Variants in MMP16 observed in about 807,000 individuals in gnomAD.
MMP16 encodes the protein matrix metalloproteinase-16.
In MMP16, 12 loss-of-function variants were observed where a neutral mutation model predicts 67.8. The ratio of observed to expected loss-of-function variants is 0.18; its 90% CI spans 0.11 to 0.29. The LOEUF is 0.29. MMP16 is among the 10% of genes least tolerant of loss of function. The probability of loss-of-function intolerance (pLI) is 1.00; values close to 1 mark genes in which losing one functional copy is unlikely to be tolerated. For missense variants in MMP16, 475 were observed against 765.7 expected, an observed-to-expected ratio of 0.62 and a Z score of 4.48; for synonymous variants, 249 against 255.9, an observed-to-expected ratio of 0.97 and a Z score of 0.26.
chr8:88,244,151 C>T (rs1335092242), intron 1 of MMP16, among the ~76,000 whole-genome samples: 1 of 151,964 alleles, frequency 6.6e-6, no homozygotes, highest in Non-Finnish European at 1.5e-5. Context: ...GTTCTTTGGC[C>T]TGAAGCAAAC....
chr8:88,099,294 C>T (rs1221408700), intron 6 of MMP16, among the ~76,000 whole-genome samples: 1 of 151,572 alleles, frequency 6.6e-6, no homozygotes, highest in Non-Finnish European at 1.5e-5. Flanking sequence ...TTTTCAGGTC[C>T]CATATCACTT....
intron 1 of MMP16, among the ~76,000 whole-genome samples, chr8:88,298,102 T>C (rs1811039773): frequency 6.6e-6 from 1 of 152,194 alleles, no homozygotes; most frequent in Admixed American, 6.5e-5. Flanking sequence ...ATTATACCTG[T>C]GCCTGTTCAA....
At chr8:88,244,206 C>T (rs1302052889) in intron 1 of MMP16, among the ~76,000 whole-genome samples, 1 of 151,954 alleles carries the variant, frequency 6.6e-6, no homozygotes, top group African/African-American at 2.4e-5. Context: ...ACTCCTCGGC[C>T]GACTTACTTT....
At chr8:88,203,705 T>C (rs1809380104) in intron 1 of MMP16, among the ~76,000 whole-genome samples, 1 of 152,188 alleles carries the variant, frequency 6.6e-6, no homozygotes, top group African/African-American at 2.4e-5. Flanking sequence ...CTTTCAAATA[T>C]GATGGGGAGT....
Position 88,118,850 on chromosome 8 carries a change from A to C in MMP16, c.721T>G (p.Phe241Val). 6.2e-7 allele frequency: 1 copy of C among 1,612,946 alleles called. No individual in the cohort carries two copies. Among genetic ancestry groups the C allele is most frequent in the Non-Finnish European group, 8.5e-7 (1 of 1,179,406 alleles). ...GNPNHDGNDL[F>V]LVAVHELGHA... ...CCCAGTTCATGGACTGCTACAAGAA[A>C]TAAGTCATTTCCTGTGTGAACAAGA... Residue 241 changes from phenylalanine to valine, a missense_variant, in exon 5 of 10, where the codon TTT (phenylalanine) becomes GTT (valine). Transcript: ENST00000286614.
rs369263094 is a variant in MMP16, at chr8:88,268,354, C to CAAAACT, written c.132+58715_132+58720dup. On this transcript the variant is annotated intron_variant, in intron 1 of 9. Transcript: ENST00000286614. Reference sequence around the variant, plus strand: ...TGGAACTCTGTCTCAAAAAGAAAACCAAAACTAAAACCAAAACCAAAAACA... The same window carrying CAAAACT: ...TGGAACTCTGTCTCAAAAAGAAAACCAAAACTAAAACTAAAACCAAAACCAAAAACA... 1.4e-3 allele frequency among the ~76,000 whole-genome samples: 208 copies of CAAAACT among 152,106 alleles called. 2 individuals carry two copies. Among genetic ancestry groups the CAAAACT allele is most frequent in the African/African-American group, 4.2e-3 (175 of 41,514 alleles).
chr8:88,228,582 TTA>T (rs1809807830), intron 1 of MMP16, among the ~76,000 whole-genome samples: 1 of 152,100 alleles, frequency 6.6e-6, no homozygotes, highest in Non-Finnish European at 1.5e-5. Flanking sequence ...AAGTGACATA[TTA>T]AATGCAATTT....
chr8:88,087,255 GCAT>G (rs1442452879), intron 6 of MMP16, among the ~76,000 whole-genome samples: 2 of 151,870 alleles, frequency 1.3e-5, no homozygotes, highest in East Asian at 3.9e-4. Context: ...TTTCCCATAA[GCAT>G]CATCATCATA....
intron 1 of MMP16, among the ~76,000 whole-genome samples, chr8:88,228,982 T>C (rs965658582): frequency 2.0e-5 from 3 of 151,112 alleles, no homozygotes; most frequent in Non-Finnish European, 4.4e-5. Context: ...GCAACATCTA[T>C]GACCTCGTCT....
chr8:88,043,247 C>T (rs1216069870), intron 9 of MMP16, among the ~76,000 whole-genome samples: 1 of 152,076 alleles, frequency 6.6e-6, no homozygotes, highest in Non-Finnish European at 1.5e-5. Context: ...AGAGACTGTA[C>T]ACTTAATAAT....
rs112792253 is a variant in MMP16 at position 88,086,487 on chromosome 8, G to A, written c.1084-11744C>T. On this transcript the variant is annotated intron_variant, in intron 6 of 9. Transcript: ENST00000286614. ...CTTTGAGAATGTATATTCAATCTAC[G>A]GAGGAGGAGAGGCAGACAGCTAATT... Among the ~76,000 whole-genome samples, 575 of 151,950 alleles carry A rather than the reference G, an allele frequency of 3.8e-3. 11 individuals are homozygous for A. Among genetic ancestry groups the A allele is most frequent in the African/African-American group, 0.013 (520 of 41,376 alleles).
intron 1 of MMP16, among the ~76,000 whole-genome samples, chr8:88,283,270 C>T (rs7833392): frequency 0.036 from 5,402 of 152,130 alleles, 322 homozygotes; most frequent in African/African-American, 0.12. Context: ...GCTTTCTTTT[C>T]TTTCTTGTTT....
intron 3 of MMP16, among the ~76,000 whole-genome samples, chr8:88,175,866 A>G (rs1218298245): frequency 2.0e-5 from 3 of 152,138 alleles, no homozygotes; most frequent in African/African-American, 7.2e-5. Context: ...AGATGGTTTT[A>G]TAAAGGATTG....
intron 6 of MMP16, among the ~76,000 whole-genome samples, chr8:88,085,589 G>T (rs1253645556): frequency 3.3e-5 from 5 of 152,012 alleles, no homozygotes; most frequent in Non-Finnish European, 7.4e-5. Context: ...TATTATAGTA[G>T]AGGAAGGAAG....
intron 4 of MMP16, among the ~76,000 whole-genome samples, chr8:88,126,672 G>C (rs572422382): frequency 6.6e-6 from 1 of 151,712 alleles, no homozygotes; most frequent in Non-Finnish European, 1.5e-5. Flanking sequence ...TTTATATACG[G>C]AATCATTACT....
rs542033563 is a variant in MMP16 at position 88,035,203 on chromosome 8, A to G, written c.*6258T>C. ...TTGCTCTGAAGCTAAGTGACCTAAC[A>G]TAAGTATATTTCCGTATTTATATTT... On this transcript the variant is annotated 3_prime_UTR_variant, in exon 10 of 10. Coordinates refer to ENST00000286614, the MANE Select transcript of MMP16 (RefSeq NM_005941.5). This position sits in a 1 kb window ranked among gnomAD's most constrained non-coding sequence, Gnocchi z 4.7. 7.7e-5 allele frequency: 9 copies of G among 116,578 alleles called. No homozygotes were observed. The highest frequency in any genetic ancestry group is 4.0e-4 in the East Asian group (2 of 5,012). 7.2% of individuals were successfully genotyped at this position (116,578 alleles called of 1,614,324 possible).
chr8:88,286,848 G>A (rs1009249412), intron 1 of MMP16, among the ~76,000 whole-genome samples: 2 of 152,142 alleles, frequency 1.3e-5, no homozygotes, highest in Non-Finnish European at 2.9e-5. Context: ...TGGGATTACA[G>A]GCATGAGCCA....
Position 88,197,202 on chromosome 8 carries a change from G to A in MMP16, c.237C>T (p.Phe79=), listed in dbSNP as rs755288661. 6.2e-7 allele frequency: 1 copy of A among 1,612,298 alleles called. No individual in the cohort carries two copies. The highest frequency in any genetic ancestry group is 8.5e-7 in the Non-Finnish European group (1 of 1,179,378). The stretch of plus-strand genomic sequence containing the variant: ...CTTTTCCTGTCATGTTAATGCCATA[G>A]AACTGCTGCATGGCAGCTAGGGCAG... ...MQSALAAMQQ[F]YGINMTGKVD... is the part of the protein sequence containing the mutation. Residue 79 remains phenylalanine, a synonymous_variant, in exon 2 of 10, where the codon TTC becomes TTT. Coordinates refer to ENST00000286614, the MANE Select transcript of MMP16 (RefSeq NM_005941.5).
chr8:88,286,629 G>A (rs895868265), intron 1 of MMP16, among the ~76,000 whole-genome samples: 26 of 151,804 alleles, frequency 1.7e-4, no homozygotes, highest in African/African-American at 6.3e-4. Flanking sequence ...AGGCTGGAGT[G>A]CAGTGGCGCG....
Sources: gnomAD v4.1 joint callset for allele counts (sites outside exome capture counted in the v4.1 genomes callset) on GRCh38, gnomAD v4.1.1 for gene constraint, Gnocchi (gnomAD v3.1) non-coding constraint, MANE v1.5 for transcripts, NCBI Gene and HGNC (gene_info 2026-07-23, HGNC 2026-07-21) for gene names.